MTUS1: variants seen among roughly 807,000 people sequenced by gnomAD.
MTUS1 encodes microtubule associated scaffold protein 1.
In MTUS1, 109 loss-of-function variants were observed where a neutral mutation model predicts 120.8. That is an observed-to-expected ratio of 0.90 (90% confidence interval 0.77 to 1.06). The LOEUF is 1.06. Ranked by LOEUF, MTUS1 falls within the 50% of genes least tolerant of loss-of-function variation. The pLI is 0.00. For synonymous variants in MTUS1, 737 were observed against 550.5 expected, an observed-to-expected ratio of 1.34 and a Z score of -4.74; for missense variants, 2,210 against 1,486.3, an observed-to-expected ratio of 1.49 and a Z score of -8.01.
chr8:17,796,975 G>C (rs897847925), intron 1 of MTUS1, among the ~76,000 whole-genome samples: 1 of 152,124 alleles, frequency 6.6e-6, no homozygotes, highest in Non-Finnish European at 1.5e-5. Flanking sequence ...AGCCAGGCAT[G>C]GTGGCGCACA....
rs776456547 is a variant in MTUS1 at position 17,656,009 on chromosome 8, C to T, written c.2962G>A (p.Val988Met). 1 of 1,614,228 alleles carries T rather than the reference C, an allele frequency of 6.2e-7. No individual in the cohort carries two copies. Among genetic ancestry groups the T allele is most frequent in the Non-Finnish European group, 8.5e-7 (1 of 1,180,048 alleles). The change falls in exon 9 of 15, where the codon GTG becomes ATG. Residue 988 changes from valine to methionine, a missense_variant. Val to Met is a conservative substitution (Grantham distance 21). Coordinates refer to ENST00000693296, the MANE Select transcript of MTUS1 (RefSeq NM_001363059.2). Reference sequence around the variant, plus strand: ...TGCTGCTGGACGAATGCTTCATACACTGTTTGTAACTCATTCCTGGCTTTT... The same window carrying T: ...TGCTGCTGGACGAATGCTTCATACATTGTTTGTAACTCATTCCTGGCTTTT... ...LEKARNELQT[V>M]YEAFVQQHQA...
intron 8 of MTUS1, among the ~76,000 whole-genome samples, chr8:17,664,462 C>G (rs539392639): frequency 6.6e-6 from 1 of 151,634 alleles, no homozygotes; most frequent in South Asian, 2.1e-4. Context: ...CCCACCCCAC[C>G]CCGAAATCCC....
chr8:17,662,028 C>T (rs749112992), intron 8 of MTUS1, among the ~76,000 whole-genome samples: 9 of 152,126 alleles, frequency 5.9e-5, no homozygotes, highest in Non-Finnish European at 1.3e-4. Flanking sequence ...GAGTGCTCCT[C>T]GGCAGCTGTG....
intron 6 of MTUS1, chr8:17,697,377 T>C (rs764402789): frequency 1.9e-6 from 3 of 1,613,908 alleles, no homozygotes; most frequent in Admixed American, 1.7e-5. Flanking sequence ...GACAACAACA[T>C]GTCTTCGGAG....
Position 17,644,088 on chromosome 8 carries a change from A to G in MTUS1, c.*1838T>C, listed in dbSNP as rs576433879. 5.3e-5 allele frequency: 8 copies of G among 152,216 alleles called. No homozygotes were observed. The highest frequency in any genetic ancestry group is 8.8e-5 in the Non-Finnish European group (6 of 68,046). 9.4% of individuals were successfully genotyped at this position (152,216 alleles called of 1,614,324 possible). ...AGCAGGGAACAACACAAGATTTACC[A>G]TGCCTAGGGGATGAATGGCAAACCC... On this transcript the variant is annotated 3_prime_UTR_variant, in exon 15 of 15. Transcript: ENST00000693296.
chr8:17,684,696 G>A (rs1815385583), intron 6 of MTUS1, among the ~76,000 whole-genome samples, 154 bp from the exon 7 acceptor site: 2 of 152,204 alleles, frequency 1.3e-5, no homozygotes, highest in African/African-American at 2.4e-5. Flanking sequence ...GAATGAATCG[G>A]AGATCTAGAC....
At chr8:17,782,448 A>G (rs563680432) in intron 1 of MTUS1, among the ~76,000 whole-genome samples, 4 of 152,204 alleles carry the variant, frequency 2.6e-5, no homozygotes, top group Non-Finnish European at 5.9e-5. Flanking sequence ...ACAAGACTAT[A>G]ATAACTTGAA....
At chr8:17,726,478 T>G (rs556457661) in intron 3 of MTUS1, among the ~76,000 whole-genome samples, 8 of 152,316 alleles carry the variant, frequency 5.3e-5, no homozygotes, top group Admixed American at 3.3e-4. Flanking sequence ...AGGTCTAGCA[T>G]GGAGTGAGAC....
At chr8:17,790,798 C>A (rs945616485) in intron 1 of MTUS1, among the ~76,000 whole-genome samples, 2 of 152,102 alleles carry the variant, frequency 1.3e-5, no homozygotes, top group Non-Finnish European at 2.9e-5. Flanking sequence ...ACCAGCGTGG[C>A]CTACATGGTG....
intron 6 of MTUS1, among the ~76,000 whole-genome samples, chr8:17,710,933 T>G (rs431403): frequency 0.074 from 11,250 of 152,184 alleles, 931 homozygotes; most frequent in East Asian, 0.2. Context: ...TCCATCAGAG[T>G]TCTTGGGTGA....
At chr8:17,779,784 G>C (rs1230264001) in intron 1 of MTUS1, among the ~76,000 whole-genome samples, 2 of 152,204 alleles carry the variant, frequency 1.3e-5, no homozygotes, top group African/African-American at 4.8e-5. Context: ...CCAAGTGTTG[G>C]AGGGGGGGCG....
chr8:17,718,659 C>A (rs1459713901), intron 4 of MTUS1, among the ~76,000 whole-genome samples: 1 of 151,944 alleles, frequency 6.6e-6, no homozygotes, highest in Non-Finnish European at 1.5e-5. Context: ...TACTTCTCAA[C>A]CTGATCTAAT....
At chr8:17,751,151 TA>T (rs1209283838) in intron 2 of MTUS1, among the ~76,000 whole-genome samples, 1 of 152,130 alleles carries the variant, frequency 6.6e-6, no homozygotes, top group Non-Finnish European at 1.5e-5. Context: ...ACCCCATCTC[TA>T]ATAAAAATAC....
intron 6 of MTUS1, among the ~76,000 whole-genome samples, chr8:17,692,603 G>T (rs565613733): frequency 6.6e-6 from 1 of 152,240 alleles, no homozygotes; most frequent in African/African-American, 2.4e-5. Flanking sequence ...GCCTGTTACT[G>T]AACACTTCTT....
At chr8:17,768,641 G>T (rs565601356) in intron 1 of MTUS1, among the ~76,000 whole-genome samples, 3 of 152,034 alleles carry the variant, frequency 2.0e-5, no homozygotes, top group Admixed American at 1.3e-4. Context: ...GAGCCTTTTT[G>T]CAGCAATTAG....
At chr8:17,719,783 G>C (rs1161617512) in intron 4 of MTUS1, among the ~76,000 whole-genome samples, 1 of 151,996 alleles carries the variant, frequency 6.6e-6, no homozygotes, top group Non-Finnish European at 1.5e-5. Flanking sequence ...TTCCTGTTGT[G>C]AGAGAAGAAA....
intron 10 of MTUS1, chr8:17,653,738 C>T (rs531150084): frequency 6.2e-5 from 27 of 436,118 alleles, no homozygotes; most frequent in African/African-American, 5.2e-4. Flanking sequence ...CCCACCATGG[C>T]CCACAGAGGC....
intron 3 of MTUS1, among the ~76,000 whole-genome samples, chr8:17,733,163 C>T (rs2046703616): frequency 6.6e-6 from 1 of 152,144 alleles, no homozygotes; most frequent in African/African-American, 2.4e-5. Context: ...CCAGCCTGAA[C>T]AACATGGTGA....
intron 4 of MTUS1, among the ~76,000 whole-genome samples, chr8:17,719,527 T>A (rs986185098): frequency 6.6e-6 from 1 of 152,240 alleles, no homozygotes; most frequent in African/African-American, 2.4e-5. Context: ...ATTTCCTTTT[T>A]AAATAGTCCA....
Sources: allele counts gnomAD v4.1 joint callset (sites outside exome capture counted in the v4.1 genomes callset), GRCh38; gene constraint gnomAD v4.1.1; transcripts MANE v1.5; gene names NCBI Gene and HGNC (gene_info 2026-07-23, HGNC 2026-07-21).